The following SH3BP1 variants were observed in gnomAD, a reference collection of about 807,000 sequenced individuals.
The protein encoded by SH3BP1 is SH3 domain binding protein 1.
SH3BP1 carries 46 observed loss-of-function variants against 69.8 expected under a neutral mutation model. That is an observed-to-expected ratio of 0.66 (90% CI 0.52 to 0.84). SH3BP1 has a LOEUF of 0.84. Among genes scored for constraint, SH3BP1 ranks in the 40% least tolerant of loss-of-function variants. SH3BP1 has a pLI of 0.00. For synonymous variants in SH3BP1, 403 were observed against 378.0 expected (o/e 1.07, Z -0.77); for missense variants, 868 against 930.9 (o/e 0.93, Z 0.88).
In SH3BP1 at chr22:37,655,625, A is replaced by T. The variant is rs202113963; in HGVS notation, c.2047A>T (p.Thr683Ser). ...CCCTGAGGCTATCAGTGGGGTCCCC[A>T]CTCCCCCAGCTATCCCCCCTCAGCC... ...GAPEAISGVPTPPAIPPQPRP... is the reference protein window; with the variant it reads ...GAPEAISGVPSPPAIPPQPRP... The change falls in exon 18 of 18, where the codon ACT becomes TCT. Residue 683 changes from threonine (T) to serine (S), a missense_variant. Physicochemically the swap from Thr to Ser is moderately conservative, Grantham distance 58. Transcript: ENST00000649765. 9.4e-6 allele frequency: 11 copies of T among 1,165,774 alleles called. No individual in the cohort carries two copies. Among genetic ancestry groups the T allele is most frequent in the East Asian group, 3.7e-5 (1 of 26,894 alleles). 72.2% of individuals were successfully genotyped at this position (1,165,774 alleles called of 1,614,324 possible). A position where few individuals can be genotyped will look rare whatever the true frequency, so the allele number is the denominator to read the frequency against.
intron 1 of SH3BP1, 27 bp from the exon 2 acceptor site, chr22:37,641,099 C>A (rs774209690): frequency 1.1e-3 from 107 of 99,016 alleles, no homozygotes; most frequent in East Asian, 3.3e-4. Context: ...GAAGCACTCT[C>A]CCCCCCCCCC....
rs1252322728 is a variant in SH3BP1 at position 37,646,864 on chromosome 22, A to G, written c.971A>G (p.Lys324Arg). The G allele has an allele frequency of 1.3e-6, 2 of 1,566,336 alleles. No homozygotes were observed. Among genetic ancestry groups the G allele is most frequent in the Non-Finnish European group, 1.7e-6 (2 of 1,158,500 alleles). The change falls in exon 11 of 18, where the codon AAG becomes AGG. Residue 324 changes from lysine to arginine, a missense_variant. Transcript: ENST00000649765. ...AAGASVLKRL[K>R]QTMASDPHSL... is the part of the protein sequence containing the mutation. ...GGGGCCTCGGTGCTGAAGCGTCTCA[A>G]GCAGACAATGGCCTCGGACCCCCAC... is the stretch of plus-strand genomic sequence containing the variant.
chr22:37,654,980 G>A (rs1932975355), intron 17 of SH3BP1, among the ~76,000 whole-genome samples: 1 of 150,966 alleles, frequency 6.6e-6, no homozygotes, highest in South Asian at 2.1e-4. Context: ...AAATAAATGG[G>A]CAAGATAATT....
intron 6 of SH3BP1, 48 bp from the exon 7 acceptor site, chr22:37,643,596 G>A (rs757463006): frequency 6.2e-7 from 1 of 1,613,104 alleles, no homozygotes; most frequent in Non-Finnish European, 8.5e-7. Flanking sequence ...ACTTGGCTCT[G>A]GACATGCAAC....
At chr22:37,647,382 G>T in intron 12 of SH3BP1, 34 bp downstream of exon 12, 1 of 1,613,262 alleles carries the variant, frequency 6.2e-7, no homozygotes, top group Non-Finnish European at 8.5e-7. Context: ...GGATGGGGAG[G>T]AGGAGGATGC....
chr22:37,642,834 A>G (rs73422747), intron 4 of SH3BP1, 61 bp from the exon 5 acceptor site: 3 of 1,591,818 alleles, frequency 1.9e-6, no homozygotes, highest in South Asian at 2.2e-5. Context: ...GGCCCCACCA[A>G]GTGTTTCCAG....
In SH3BP1 at chr22:37,641,106, C is replaced by CCG. The variant is rs1601579654; in HGVS notation, c.60-19_60-18insGC. The CCG allele has an allele frequency of 7.5e-7, 1 of 1,330,462 alleles. No individual in the cohort carries two copies. Among genetic ancestry groups the CCG allele is most frequent in the African/African-American group, 1.5e-5 (1 of 66,990 alleles). The allele number at this position is 1,330,462 out of a possible 1,614,324, so 82.4% of individuals were successfully genotyped here. Reference sequence around the variant, plus strand: ...GCTCAGCAGAAGCACTCTCCCCCCCCCCCCCACCACTCCCCGCAGCACCCC... The same window carrying CCG: ...GCTCAGCAGAAGCACTCTCCCCCCCCCGCCCCCACCACTCCCCGCAGCACCCC... On this transcript the variant is annotated intron_variant, in intron 1 of 17. Coordinates refer to ENST00000649765, the MANE Select transcript of SH3BP1 (RefSeq NM_018957.6).
chr22:37,646,908 TC>T lies in SH3BP1; in HGVS notation c.1017del (p.Asp340ThrfsTer20). ...SDPHSLEEFC[S>X]DPHAVAGALK... ...CCCCCACAGCCTGGAGGAGTTCTGC[TC>T]CGACCCGCACGCTGTGGCAGGTGCC... On this transcript the variant is annotated frameshift_variant, in exon 11 of 18. Transcript: ENST00000649765. LOFTEE classifies it high-confidence loss of function. 1 of 1,556,848 alleles carries T rather than the reference TC, an allele frequency of 6.4e-7. No individual in the cohort carries two copies.
chr22:37,650,088 C>T, intron 14 of SH3BP1, 64 bp from the exon 15 acceptor site: 3 of 1,571,050 alleles, frequency 1.9e-6, no homozygotes, highest in Non-Finnish European at 2.6e-6. Flanking sequence ...TTGCCCAGCA[C>T]AGAGCCAGCC....
Position 37,643,011 on chromosome 22 carries a change from G to A in SH3BP1, c.396+5G>A. The A allele has an allele frequency of 1.9e-6, 3 of 1,612,244 alleles. No homozygotes were observed. The highest frequency in any genetic ancestry group is 2.2e-5 in the East Asian group (1 of 44,876). Reference sequence around the variant, plus strand: ...CCACTCAGCAGGCTGAGTGAGGTGAGCCTGTGCCCTGCTTTCAGCCCCCAG... The same window carrying A: ...CCACTCAGCAGGCTGAGTGAGGTGAACCTGTGCCCTGCTTTCAGCCCCCAG... On this transcript the variant is annotated splice_donor_5th_base_variant and intron_variant, in intron 5 of 17. Coordinates refer to ENST00000649765, the MANE Select transcript of SH3BP1 (RefSeq NM_018957.6).
At position 37,645,387 on chromosome 22, in the gene SH3BP1, C is replaced by T; in HGVS notation, c.801C>T (p.Ala267=). The change falls in exon 10 of 18, where the codon GCC becomes GCT. Residue 267 remains alanine (A), a synonymous_variant. Coordinates refer to ENST00000649765, the MANE Select transcript of SH3BP1 (RefSeq NM_018957.6). The part of the protein sequence containing the change: ...GQADHSPSMT[A]THFPRVYGVS... The stretch of plus-strand genomic sequence containing the variant: ...CAGACCACTCCCCTTCGATGACAGC[C>T]ACCCACTTCCCCAGGGTGTATGGGG... 6.2e-7 allele frequency: 1 copy of T among 1,610,928 alleles called. No homozygotes were observed. The highest frequency in any genetic ancestry group is 8.5e-7 in the Non-Finnish European group (1 of 1,177,404).
chr22:37,650,771 C>T, intron 16 of SH3BP1, 46 bp downstream of exon 16: 1 of 1,522,800 alleles, frequency 6.6e-7, no homozygotes, highest in East Asian at 2.3e-5. Flanking sequence ...CTCCCACAAT[C>T]AGCCTGCCTG....
rs191872973 is a variant in SH3BP1, at chr22:37,639,770, C to T, written c.-18C>T. 725 of 1,501,186 alleles carry T rather than the reference C, an allele frequency of 4.8e-4. 10 individuals are homozygous for T. In the East Asian group the frequency reaches 9.3e-3, roughly 19 times the overall value. The allele number at this position is 1,501,186 out of a possible 1,614,324, so 93.0% of individuals were successfully genotyped here. A position where few individuals can be genotyped will look rare whatever the true frequency, so the allele number is the denominator to read the frequency against. On this transcript the variant is annotated 5_prime_UTR_variant, in exon 1 of 18. Coordinates refer to ENST00000649765, the MANE Select transcript of SH3BP1 (RefSeq NM_018957.6). ...GCGACCCCCGCCGTGACCCCGCAGC[C>T]CCCAGCTCGCCCCCAAGATGATGAA... is the stretch of plus-strand genomic sequence containing the variant.
At chr22:37,647,081 C>G in intron 11 of SH3BP1, 152 bp downstream of exon 11, 1 of 750,928 alleles carries the variant, frequency 1.3e-6, no homozygotes, top group East Asian at 2.7e-5. Context: ...ATGAGCCCCC[C>G]GAAAATGTTT....
intron 16 of SH3BP1, among the ~76,000 whole-genome samples, chr22:37,652,606 G>A (rs543938064): frequency 1.3e-3 from 197 of 150,306 alleles, no homozygotes; most frequent in African/African-American, 4.5e-3. Context: ...GGTAGATCAC[G>A]TCAGGTCTGG....
chr22:37,647,101 C>T (rs373629268), intron 11 of SH3BP1, among the ~76,000 whole-genome samples, 166 bp from the exon 12 acceptor site: 1 of 152,194 alleles, frequency 6.6e-6, no homozygotes, highest in African/African-American at 2.4e-5. Context: ...TGGCATTTTT[C>T]TGGGGACAAG....
intron 16 of SH3BP1, among the ~76,000 whole-genome samples, chr22:37,651,039 T>C (rs9622668): frequency 6.6e-6 from 1 of 152,000 alleles, no homozygotes; most frequent in African/African-American, 2.4e-5. Flanking sequence ...CAGTTTTGTT[T>C]TGTTTTTTTT....
chr22:37,647,192 C>T (rs1300060820), intron 11 of SH3BP1, 75 bp from the exon 12 acceptor site: 18 of 1,312,542 alleles, frequency 1.4e-5, no homozygotes, highest in East Asian at 2.3e-5. Flanking sequence ...GAACAAGGGC[C>T]GGAGGTTCCT....
At chr22:37,641,098 T>TCCCCCCCCCCCCC (rs751968178) in intron 1 of SH3BP1, 28 bp from the exon 2 acceptor site, 3 of 947,992 alleles carry the variant, frequency 3.2e-6, no homozygotes, top group African/African-American at 4.2e-5. Flanking sequence ...AGAAGCACTC[T>TCCCCCCCCCCCCC]CCCCCCCCCC....
Sources: gnomAD v4.1 joint callset for allele counts (sites outside exome capture counted in the v4.1 genomes callset) on GRCh38, gnomAD v4.1.1 for gene constraint, MANE v1.5 for transcripts, NCBI Gene and HGNC (gene_info 2026-07-23, HGNC 2026-07-21) for gene names.